Variants in COG5 observed in about 807,000 individuals in gnomAD.
The protein encoded by COG5 is conserved oligomeric Golgi complex subunit 5.
A neutral mutation model predicts 110.4 loss-of-function variants in COG5; 86 were observed. That is an observed-to-expected ratio of 0.78 (90% confidence interval 0.65 to 0.93). The LOEUF (loss-of-function observed/expected upper bound fraction) is 0.93. Ranked by LOEUF, COG5 falls within the 40% of genes least tolerant of loss-of-function variation. The pLI is 0.00. For synonymous variants in COG5, 360 were observed against 334.6 expected (o/e 1.08, Z -0.83); for missense variants, 1,077 against 987.0 (o/e 1.09, Z -1.22).
intron 6 of COG5, among the ~76,000 whole-genome samples, chr7:107,455,575 C>T (rs1795611974): frequency 6.6e-6 from 1 of 152,118 alleles, no homozygotes; most frequent in African/African-American, 2.4e-5. Flanking sequence ...ATACAGCCCA[C>T]AAAGCCTAAA....
chr7:107,247,112 G>C (rs989689442), intron 17 of COG5, among the ~76,000 whole-genome samples: 1 of 152,134 alleles, frequency 6.6e-6, no homozygotes, highest in African/African-American at 2.4e-5. Flanking sequence ...GCAACCTATT[G>C]CAGGAACAGA....
In COG5 at chr7:107,203,299, G is replaced by T; in HGVS notation, c.*217C>A. Reference sequence around the variant, plus strand: ...TCTGAAAGAGGAAAACATCTTTCTGGAAAAATCAGGTCCATGGAATTGAAA... The same window carrying T: ...TCTGAAAGAGGAAAACATCTTTCTGTAAAAATCAGGTCCATGGAATTGAAA... On this transcript the variant is annotated 3_prime_UTR_variant, in exon 22 of 22. Transcript: ENST00000297135. 1 of 569,714 alleles carries T rather than the reference G, an allele frequency of 1.8e-6. No homozygotes were observed. Among genetic ancestry groups the T allele is most frequent in the Non-Finnish European group, 3.1e-6 (1 of 319,790 alleles). 35.3% of individuals were successfully genotyped at this position (569,714 alleles called of 1,614,324 possible). A position where few individuals can be genotyped will look rare whatever the true frequency, so the allele number is the denominator to read the frequency against.
chr7:107,205,758 A>C (rs1798726054), intron 21 of COG5, among the ~76,000 whole-genome samples: 1 of 152,132 alleles, frequency 6.6e-6, no homozygotes. Context: ...AACTCCAGGC[A>C]GCAGGAAAGA....
chr7:107,519,995 C>A (rs1800212945), intron 6 of COG5, among the ~76,000 whole-genome samples: 1 of 152,114 alleles, frequency 6.6e-6, no homozygotes, highest in Non-Finnish European at 1.5e-5. Flanking sequence ...TCAACATATG[C>A]AAATCAATAA....
intron 10 of COG5, among the ~76,000 whole-genome samples, chr7:107,335,365 G>A (rs1197491297): frequency 6.6e-6 from 1 of 152,096 alleles, no homozygotes; most frequent in Non-Finnish European, 1.5e-5. Flanking sequence ...ACTCCAGCCT[G>A]GGCTACAGAG....
rs147580108 is a variant in COG5 at position 107,505,427 on chromosome 7, T to C, written c.538+21810A>G. On this transcript the variant is annotated intron_variant, in intron 6 of 21. Coordinates refer to ENST00000297135, the MANE Select transcript of COG5 (RefSeq NM_006348.5). ...TGTTGATGTTTCAAGTGGAGAGGAA[T>C]TGTGCCTCTGCCTCTCATGCAATCC... is the stretch of plus-strand genomic sequence containing the variant. Among the ~76,000 whole-genome samples the C allele has an allele frequency of 6.3e-3, 966 of 152,256 alleles. 8 individuals carry two copies. The highest frequency in any genetic ancestry group is 0.017 in the Middle Eastern group (5 of 294).
chr7:107,369,388 T>A (rs1394676577), intron 8 of COG5, among the ~76,000 whole-genome samples: 1 of 144,390 alleles, frequency 6.9e-6, no homozygotes, highest in African/African-American at 2.7e-5. Context: ...AAAATTCTTT[T>A]TTTTTTTTTT....
At chr7:107,364,917 A>G (rs1813460038) in intron 8 of COG5, among the ~76,000 whole-genome samples, 1 of 152,154 alleles carries the variant, frequency 6.6e-6, no homozygotes, top group Admixed American at 6.5e-5. Context: ...CTATGCAAAG[A>G]CTATTAAGGG....
chr7:107,531,364 TTTGTG>T (rs554564678), intron 5 of COG5, among the ~76,000 whole-genome samples: 6 of 152,174 alleles, frequency 3.9e-5, no homozygotes, highest in Middle Eastern at 3.2e-3. Flanking sequence ...TTTCTCTCTT[TTTGTG>T]TTGAGTATCA....
chr7:107,280,599 A>G (rs1429712903), intron 14 of COG5, among the ~76,000 whole-genome samples: 1 of 151,864 alleles, frequency 6.6e-6, no homozygotes, highest in Non-Finnish European at 1.5e-5. Context: ...AAATTAGTAT[A>G]TCAATAATGG....
intron 6 of COG5, among the ~76,000 whole-genome samples, chr7:107,503,126 T>G (rs1354276228): frequency 6.6e-6 from 1 of 152,324 alleles, no homozygotes; most frequent in South Asian, 2.1e-4. Flanking sequence ...ACGGTTTGTA[T>G]GGCTTTGGGT....
intron 10 of COG5, among the ~76,000 whole-genome samples, chr7:107,343,244 G>A (rs529507581): frequency 6.6e-6 from 1 of 152,238 alleles, no homozygotes; most frequent in South Asian, 2.1e-4. Flanking sequence ...GGGGGCAAAG[G>A]TTGAAAAACT....
At chr7:107,299,117 A>G (rs1807022808) in intron 11 of COG5, among the ~76,000 whole-genome samples, 1 of 152,158 alleles carries the variant, frequency 6.6e-6, no homozygotes, top group African/African-American at 2.4e-5. Context: ...TTCCATTTTA[A>G]GAATATGGAA....
intron 17 of COG5, 58 bp downstream of exon 17, chr7:107,248,338 G>A (rs892333351): frequency 2.6e-5 from 27 of 1,056,968 alleles, no homozygotes; most frequent in Non-Finnish European, 3.6e-5. Flanking sequence ...AAGCATAGAG[G>A]TGGGAATACA....
rs140346496 is a variant in COG5 at position 107,289,114 on chromosome 7, A to T, written c.1314-5382T>A. Among the ~76,000 whole-genome samples the T allele has an allele frequency of 2.6e-3, 401 of 151,552 alleles. 3 individuals are homozygous for T. The highest frequency in any genetic ancestry group is 9.1e-3 in the African/African-American group (375 of 41,408). ...GTGCTGGGAATTACAGGCATGAGACATGAGACACTGTGCCCAGCCTTGTTT... is the reference window on the plus strand; with the variant it reads ...GTGCTGGGAATTACAGGCATGAGACTTGAGACACTGTGCCCAGCCTTGTTT... On this transcript the variant is annotated intron_variant, in intron 12 of 21. Transcript: ENST00000297135.
At chr7:107,208,098 G>C in intron 21 of COG5, 1 of 985,386 alleles carries the variant, frequency 1.0e-6, no homozygotes. Context: ...TAATACATAA[G>C]AAAGAACATT....
At chr7:107,357,818 A>G (rs973328499) in intron 10 of COG5, among the ~76,000 whole-genome samples, 3 of 152,158 alleles carry the variant, frequency 2.0e-5, no homozygotes, top group African/African-American at 7.2e-5. Flanking sequence ...ACAGGTGTAC[A>G]CTACCATTCC....
At chr7:107,256,639 T>C in intron 16 of COG5, 93 bp downstream of exon 16, 1 of 793,964 alleles carries the variant, frequency 1.3e-6, no homozygotes, top group Non-Finnish European at 2.2e-6. Context: ...TAGAGGATTC[T>C]GAATTATTAT....
At chr7:107,503,283 C>T (rs79453613) in intron 6 of COG5, among the ~76,000 whole-genome samples, 143 of 152,140 alleles carry the variant, frequency 9.4e-4, no homozygotes, top group East Asian at 1.9e-3. Context: ...GTTTTTGATG[C>T]TTTGTTGAAG....
Sources: gnomAD v4.1 joint callset for allele counts (sites outside exome capture counted in the v4.1 genomes callset) on GRCh38, gnomAD v4.1.1 for gene constraint, MANE v1.5 for transcripts, NCBI Gene and HGNC (gene_info 2026-07-23, HGNC 2026-07-21) for gene names.